COASY: variants seen among roughly 807,000 people sequenced by gnomAD.
COASY encodes the protein Coenzyme A synthase, also known as bifunctional coenzyme A synthase.
Under a neutral mutation model 49.4 loss-of-function variants are expected in COASY, and 31 were observed. That is an observed-to-expected ratio of 0.63 (90% CI 0.47 to 0.85). The LOEUF is 0.85. COASY is among the 40% of genes least tolerant of loss of function. COASY has a pLI of 0.00. For synonymous variants in COASY, 285 were observed against 310.9 expected (o/e 0.92, Z 0.88); for missense variants, 730 against 734.1 (o/e 0.99, Z 0.06).
In COASY at chr17:42,565,642, G is replaced by GTC; in HGVS notation, c.1486-14_1486-13dup. 6.2e-7 allele frequency: 1 copy of GTC among 1,614,048 alleles called. No homozygotes were observed. The highest frequency in any genetic ancestry group is 8.5e-7 in the Non-Finnish European group (1 of 1,179,924). The stretch of plus-strand genomic sequence containing the variant: ...TGAGCTGGAATTCTTCCTGACAAAT[G>GTC]TCTCGTCTGTGCTCAGGCTGTAAGA... On this transcript the variant is annotated splice_polypyrimidine_tract_variant and intron_variant, in intron 7 of 8. Coordinates refer to ENST00000393818, the MANE Select transcript of COASY (RefSeq NM_025233.7).
At position 42,562,242 on chromosome 17, in the gene COASY, C is replaced by T; in HGVS notation, c.-381C>T. The T allele has an allele frequency of 6.8e-6, 4 of 590,536 alleles. No individual in the cohort carries two copies. Among genetic ancestry groups the T allele is most frequent in the East Asian group, 6.0e-5 (2 of 33,150 alleles). 36.6% of individuals were successfully genotyped at this position (590,536 alleles called of 1,614,324 possible). On this transcript the variant is annotated 5_prime_UTR_variant, in exon 1 of 9. Transcript: ENST00000393818. Reference sequence around the variant, plus strand: ...TCAGTGAGTAGGGGGCCGACGTGAGCTTTAGCGTCCCCCTTTAGCCTCCCT... The same window carrying T: ...TCAGTGAGTAGGGGGCCGACGTGAGTTTTAGCGTCCCCCTTTAGCCTCCCT...
Position 42,564,035 on chromosome 17 carries a change from A to C in COASY, c.775A>C (p.Lys259Gln). The C allele has an allele frequency of 6.2e-7, 1 of 1,614,072 alleles. No individual in the cohort carries two copies. Among genetic ancestry groups the C allele is most frequent in the Non-Finnish European group, 8.5e-7 (1 of 1,180,002 alleles). ...TCTGAGTGAATTCCTGGTGGACATCAAGCCCTCCTTGACTTTTGATGTCAT... is the reference window on the plus strand; with the variant it reads ...TCTGAGTGAATTCCTGGTGGACATCCAGCCCTCCTTGACTTTTGATGTCAT... ...EHLSEFLVDI[K>Q]PSLTFDVIPL... The change falls in exon 2 of 9, where the codon AAG (lysine) becomes CAG (glutamine). Residue 259 changes from lysine (K) to glutamine (Q), a missense_variant. Lys to Gln is a moderately conservative substitution (Grantham distance 53). Coordinates refer to ENST00000393818, the MANE Select transcript of COASY (RefSeq NM_025233.7).
At position 42,563,063 on chromosome 17, in the gene COASY, G is replaced by A. The variant is rs1216533471; in HGVS notation, c.441G>A (p.Leu147=). 6.2e-7 allele frequency: 1 copy of A among 1,614,198 alleles called. No homozygotes were observed. Among genetic ancestry groups the A allele is most frequent in the East Asian group, 2.2e-5 (1 of 44,880 alleles). Residue 147 remains leucine (L), a synonymous_variant, in exon 1 of 9, where the codon CTG becomes CTA. Coordinates refer to ENST00000393818, the MANE Select transcript of COASY (RefSeq NM_025233.7). ...ATSCYSCCPR[L]ASVLLYSDYG... is the part of the protein sequence containing the mutation. ...GCTGTTACAGCTGTTGTCCGCGACT[G>A]GCCTCGGTGCTGCTATACTCCGATT...
At position 42,564,517 on chromosome 17, in the gene COASY, C is replaced by T; in HGVS notation, c.987C>T (p.Asp329=). ...TCAGACATACAGAGAATGAAGAGGA[C>T]AAAGTCAGCTCCTCCAGCTTCCGCC... ...KDLRHTENEE[D]KVSSSSFRQR... is the part of the protein sequence containing the mutation. The change falls in exon 3 of 9, where the codon GAC becomes GAT. Residue 329 remains aspartate (D), a synonymous_variant. Transcript: ENST00000393818. 1 of 1,613,374 alleles carries T rather than the reference C, an allele frequency of 6.2e-7. No individual in the cohort carries two copies. The highest frequency in any genetic ancestry group is 1.6e-4 in the Middle Eastern group (1 of 6,062).
At position 42,564,132 on chromosome 17, in the gene COASY, C is replaced by A. The variant is rs766549127; in HGVS notation, c.872C>A (p.Thr291Asn). The change falls in exon 2 of 9, where the codon ACC becomes AAC. Residue 291 changes from threonine (T) to asparagine (N), a missense_variant. By Grantham distance (65) the Thr-to-Asn change is moderately conservative (BLOSUM62 0). Coordinates refer to ENST00000393818, the MANE Select transcript of COASY (RefSeq NM_025233.7). ...GAGTTCCTGGTGGTCAGCGAGGAGA[C>A]CTATCGTGGGGGGATGGCCATCAAC... Reference protein sequence around the residue: ...SLEFLVVSEETYRGGMAINRF... With the variant: ...SLEFLVVSEENYRGGMAINRF... 1 of 1,614,100 alleles carries A rather than the reference C, an allele frequency of 6.2e-7. No homozygotes were observed. Among genetic ancestry groups the A allele is most frequent in the Non-Finnish European group, 8.5e-7 (1 of 1,180,024 alleles).
chr17:42,565,289 G>T lies in COASY; in HGVS notation c.1365G>T (p.Glu455Asp). Residue 455 changes from glutamate (E) to aspartate (D), a missense_variant, in exon 6 of 9, where the codon GAG becomes GAT. Physicochemically the swap from Glu to Asp is conservative, Grantham distance 45. Coordinates refer to ENST00000393818, the MANE Select transcript of COASY (RefSeq NM_025233.7). ...TTATCGCAAAGCTGGCCCGAGAGGA[G>T]ATGGATCGGGCTGTGGCTGAGGGTG... The part of the protein sequence containing the change: ...WPIIAKLARE[E>D]MDRAVAEGKR... The T allele has an allele frequency of 6.2e-7, 1 of 1,614,202 alleles. No homozygotes were observed. Among genetic ancestry groups the T allele is most frequent in the Middle Eastern group, 1.6e-4 (1 of 6,062 alleles).
chr17:42,566,208 T>TA lies in COASY; in HGVS notation c.*241dup. The TA allele has an allele frequency of 1.8e-6, 1 of 566,502 alleles. No homozygotes were observed. The highest frequency in any genetic ancestry group is 3.2e-6 in the Non-Finnish European group (1 of 315,776). The allele number at this position is 566,502 out of a possible 1,614,324, so 35.1% of individuals were successfully genotyped here. A position where few individuals can be genotyped will look rare whatever the true frequency, so the allele number is the denominator to read the frequency against. ...CCCACTCTTGCCCATGGGTGACTCT[T>TA]ACCCACAGCTGACTAGGGCCAGCGC... On this transcript the variant is annotated 3_prime_UTR_variant, in exon 9 of 9. Coordinates refer to ENST00000393818, the MANE Select transcript of COASY (RefSeq NM_025233.7).
At chr17:42,564,371 G>A in intron 2 of COASY, 75 bp from the exon 3 acceptor site, 1 of 1,601,468 alleles carries the variant, frequency 6.2e-7, no homozygotes. Flanking sequence ...GGGGAGGATG[G>A]GGGGGCAGGT....
chr17:42,564,327 C>G (rs561196674), intron 2 of COASY, 119 bp from the exon 3 acceptor site: 2 of 1,514,628 alleles, frequency 1.3e-6, no homozygotes, highest in South Asian at 1.1e-5. Context: ...TCAGTTTGCC[C>G]GCTGAGTCGG....
chr17:42,564,678 T>G (rs776971972), intron 3 of COASY, 31 bp from the exon 4 acceptor site: 14 of 1,528,576 alleles, frequency 9.2e-6, no homozygotes, highest in Non-Finnish European at 9.6e-6. Context: ...AGGGCCCCAG[T>G]AACTGTGGGT....
chr17:42,564,189 G>A lies in COASY; in HGVS notation c.915+14G>A. Reference sequence around the variant, plus strand: ...CGCCTTGAGAATGTAACCCCTGAGGGAGACTGGCAGAGGGAGTGGATGGGG... The same window carrying A: ...CGCCTTGAGAATGTAACCCCTGAGGAAGACTGGCAGAGGGAGTGGATGGGG... On this transcript the variant is annotated intron_variant, in intron 2 of 8. Transcript: ENST00000393818. 1 of 1,612,140 alleles carries A rather than the reference G, an allele frequency of 6.2e-7. No individual in the cohort carries two copies. The highest frequency in any genetic ancestry group is 8.5e-7 in the Non-Finnish European group (1 of 1,178,604).
Position 42,562,836 on chromosome 17 carries a change from T to C in COASY, c.214T>C (p.Tyr72His), listed in dbSNP as rs1261149614. The C allele has an allele frequency of 2.5e-6, 4 of 1,613,318 alleles. No individual in the cohort carries two copies. The East Asian group carries it at 8.9e-5, about 36-fold the overall frequency. Residue 72 changes from tyrosine to histidine, a missense_variant, in exon 1 of 9, where the codon TAT (tyrosine) becomes CAT (histidine). Coordinates refer to ENST00000393818, the MANE Select transcript of COASY (RefSeq NM_025233.7). The part of the protein sequence containing the change: ...FEVLDFITHL[Y>H]AGADVHRHLD... Reference sequence around the variant, plus strand: ...GGTTCTTGATTTCATCACGCACCTCTATGCTGGCGCCGACGTCCACAGGCA... The same window carrying C: ...GGTTCTTGATTTCATCACGCACCTCCATGCTGGCGCCGACGTCCACAGGCA...
rs758261808 is a variant in COASY, at chr17:42,565,671, A to C, written c.1498A>C (p.Ile500Leu). 6.8e-6 allele frequency: 11 copies of C among 1,613,956 alleles called. No homozygotes were observed. Among genetic ancestry groups the C allele is most frequent in the Non-Finnish European group, 8.5e-6 (10 of 1,180,030 alleles). Residue 500 changes from isoleucine (I) to leucine (L), a missense_variant, in exon 8 of 9, where the codon ATT (isoleucine) becomes CTT (leucine). Ile to Leu is a conservative substitution (Grantham distance 5). Transcript: ENST00000393818. ...VIPETEAVRR[I>L]VERDGLSEAA... ...CGTCTGTGCTCAGGCTGTAAGACGC[A>C]TTGTGGAGAGGGATGGCCTCAGTGA...
chr17:42,565,841 G>T, intron 8 of COASY, 36 bp downstream of exon 8: 1 of 1,613,988 alleles, frequency 6.2e-7, no homozygotes, highest in Non-Finnish European at 8.5e-7. Flanking sequence ...TGTGGGGAAG[G>T]AGTCTCCAGT....
chr17:42,565,278 G>A lies in COASY; in HGVS notation c.1354G>A (p.Ala452Thr). Residue 452 changes from alanine (A) to threonine (T), a missense_variant, in exon 6 of 9, where the codon GCC (alanine) becomes ACC (threonine). Transcript: ENST00000393818. ...TATGTGGCCAATTATCGCAAAGCTG[G>A]CCCGAGAGGAGATGGATCGGGCTGT... ...DIMWPIIAKL[A>T]REEMDRAVAE... 1.9e-6 allele frequency: 3 copies of A among 1,614,148 alleles called. No individual in the cohort carries two copies.
chr17:42,563,199 C>G lies in COASY; in HGVS notation c.577C>G (p.Arg193Gly), dbSNP rs774371266. The change falls in exon 1 of 9, where the codon CGT becomes GGT. Residue 193 changes from arginine to glycine, a missense_variant. Coordinates refer to ENST00000393818, the MANE Select transcript of COASY (RefSeq NM_025233.7). Reference protein sequence around the residue: ...SPKQPVRGYYRGAVGGTFDRL... With the variant: ...SPKQPVRGYYGGAVGGTFDRL... ...AAAGCAGCCGGTGCGTGGCTACTACCGTGGCGCTGTCGGTGGCACGTTTGA... is the reference window on the plus strand; with the variant it reads ...AAAGCAGCCGGTGCGTGGCTACTACGGTGGCGCTGTCGGTGGCACGTTTGA... 6.8e-6 allele frequency: 11 copies of G among 1,613,932 alleles called. No individual in the cohort carries two copies. Among genetic ancestry groups the G allele is most frequent in the Non-Finnish European group, 9.3e-6 (11 of 1,180,030 alleles).
chr17:42,562,154 G>A lies in COASY; in HGVS notation c.-469G>A, dbSNP rs1013535115. 3.1e-5 allele frequency: 15 copies of A among 481,698 alleles called. No individual in the cohort carries two copies. In the Admixed American group the frequency reaches 3.8e-4, roughly 12 times the overall value. 29.8% of individuals were successfully genotyped at this position (481,698 alleles called of 1,614,324 possible). A position where few individuals can be genotyped will look rare whatever the true frequency, so the allele number is the denominator to read the frequency against. ...TCCGAGTTGCGGTTTCTCCGTTAGT[G>A]CTTCCGGGTTGCAGCCAGGGAAGCC... On this transcript the variant is annotated 5_prime_UTR_variant, in exon 1 of 9. Transcript: ENST00000393818.
rs2092978593 is a variant in COASY, at chr17:42,562,323, A to AT, written c.-299dup. Reference sequence around the variant, plus strand: ...TAGCAAGAGGGCCCAGGATTTTTGGATCCCCAGCCCTGTGACAAGGGTTCC... The same window carrying AT: ...TAGCAAGAGGGCCCAGGATTTTTGGATTCCCCAGCCCTGTGACAAGGGTTCC... On this transcript the variant is annotated 5_prime_UTR_variant, in exon 1 of 9. Coordinates refer to ENST00000393818, the MANE Select transcript of COASY (RefSeq NM_025233.7). The AT allele has an allele frequency of 4.8e-6, 6 of 1,256,810 alleles. No homozygotes were observed. Among genetic ancestry groups the AT allele is most frequent in the Non-Finnish European group, 5.7e-6 (5 of 872,568 alleles). 77.9% of individuals were successfully genotyped at this position (1,256,810 alleles called of 1,614,324 possible).
At chr17:42,564,345 G>C in intron 2 of COASY, 101 bp from the exon 3 acceptor site, 1 of 1,566,986 alleles carries the variant, frequency 6.4e-7, no homozygotes. Flanking sequence ...CGGAGGAGGA[G>C]GAGCCTGGGT....
Sources: gnomAD v4.1 joint callset for allele counts on GRCh38, gnomAD v4.1.1 for gene constraint, MANE v1.5 for transcripts, NCBI Gene and HGNC (gene_info 2026-07-23, HGNC 2026-07-21) for gene names.